Variants in DLG2 observed in about 807,000 individuals in gnomAD.
The protein encoded by DLG2 is disks large homolog 2.
In DLG2, 45 loss-of-function variants were observed where a neutral mutation model predicts 132.5. The ratio of observed to expected loss-of-function variants is 0.34; its 90% CI spans 0.27 to 0.44. The LOEUF is 0.44. Ranked by LOEUF, DLG2 falls within the 20% of genes least tolerant of loss-of-function variation. DLG2 has a pLI of 1.00. For synonymous variants in DLG2, 424 were observed against 419.6 expected, an observed-to-expected ratio of 1.01 and a Z score of -0.13; for missense variants, 1,045 against 1,196.9, an observed-to-expected ratio of 0.87 and a Z score of 1.87.
At chr11:85,215,827 A>T (rs1179747542) in intron 4 of DLG2, among the ~76,000 whole-genome samples, 1 of 152,136 alleles carries the variant, frequency 6.6e-6, no homozygotes, top group Non-Finnish European at 1.5e-5. Flanking sequence ...TTCTCTTGTA[A>T]TATGTCTTTT....
chr11:83,460,071 A>C, intron 27 of DLG2, 147 bp from the exon 28 acceptor site: 1 of 561,536 alleles, frequency 1.8e-6, no homozygotes, highest in South Asian at 2.5e-5. Flanking sequence ...GAAGAAGCAG[A>C]AAATTCATAT....
chr11:84,645,374 G>T (rs943679437), intron 6 of DLG2, among the ~76,000 whole-genome samples: 4 of 152,310 alleles, frequency 2.6e-5, no homozygotes, highest in East Asian at 1.9e-4. Context: ...AAAGCCTGAG[G>T]AGCAGATTGT....
chr11:84,906,299 G>A (rs2091503288), intron 6 of DLG2, among the ~76,000 whole-genome samples: 1 of 147,692 alleles, frequency 6.8e-6, no homozygotes, highest in Admixed American at 6.8e-5. Flanking sequence ...AATACAGCAG[G>A]TGAGGTATGG....
At chr11:84,134,225 GCTT>G (rs1251676313) in intron 9 of DLG2, among the ~76,000 whole-genome samples, 1 of 152,044 alleles carries the variant, frequency 6.6e-6, no homozygotes, top group African/African-American at 2.4e-5. Flanking sequence ...TCTAGGGAGA[GCTT>G]CTGATCCAAT....
intron 18 of DLG2, among the ~76,000 whole-genome samples, chr11:83,735,422 C>T (rs912886240): frequency 3.3e-5 from 5 of 152,220 alleles, no homozygotes; most frequent in Admixed American, 2.0e-4. Flanking sequence ...TTTAAAAAGC[C>T]ACTGAATCCT....
intron 6 of DLG2, among the ~76,000 whole-genome samples, chr11:85,011,700 AC>A (rs746690832): frequency 6.6e-6 from 1 of 152,156 alleles, no homozygotes; most frequent in Non-Finnish European, 1.5e-5. Flanking sequence ...TGGTTTTCAA[AC>A]AGATTTCACT....
intron 3 of DLG2, among the ~76,000 whole-genome samples, chr11:85,546,738 T>C (rs753631276): frequency 9.3e-5 from 14 of 150,362 alleles, no homozygotes; most frequent in Non-Finnish European, 1.3e-4. Context: ...CCTTTTTCCA[T>C]TATGTAATGG....
At chr11:85,468,675 GAC>G (rs1404256801) in intron 3 of DLG2, among the ~76,000 whole-genome samples, 1 of 152,190 alleles carries the variant, frequency 6.6e-6, no homozygotes, top group Non-Finnish European at 1.5e-5. Flanking sequence ...TGGTCTGAGA[GAC>G]AGTTTGTTAT....
At chr11:84,167,890 TC>T (rs1456139050) in intron 8 of DLG2, among the ~76,000 whole-genome samples, 2 of 152,142 alleles carry the variant, frequency 1.3e-5, no homozygotes, top group Non-Finnish European at 2.9e-5. Flanking sequence ...GGTCTCAAAC[TC>T]CTGACCTCAG....
At chr11:84,440,547 C>G (rs2099014219) in intron 7 of DLG2, among the ~76,000 whole-genome samples, 1 of 152,192 alleles carries the variant, frequency 6.6e-6, no homozygotes, top group South Asian at 2.1e-4. Context: ...GTTAATCCTA[C>G]TAGTCTCTAA....
chr11:84,726,400 T>C (rs61899047), intron 6 of DLG2, among the ~76,000 whole-genome samples: 4 of 151,946 alleles, frequency 2.6e-5, no homozygotes, highest in South Asian at 2.1e-4. Context: ...TTGCTGAGAA[T>C]TGTGGTTTCC....
rs528876660 is a variant in DLG2 at position 84,576,977 on chromosome 11, C to T, written c.358-42246G>A. ...ATTCCCGTGTGTTGTGGGAGGGACT[C>T]GGGGAGGTAATTGAATCATGGGGCC... On this transcript the variant is annotated intron_variant, in intron 6 of 27. Transcript: ENST00000376104. 2.0e-4 allele frequency among the ~76,000 whole-genome samples: 30 copies of T among 152,184 alleles called. 1 individual carries two copies. Among genetic ancestry groups the T allele is most frequent in the African/African-American group, 6.5e-4 (27 of 41,536 alleles).
intron 22 of DLG2, among the ~76,000 whole-genome samples, chr11:83,473,706 G>C (rs540636384): frequency 2.6e-5 from 4 of 152,070 alleles, no homozygotes; most frequent in African/African-American, 9.6e-5. Flanking sequence ...AGTGGAATAT[G>C]AGGTAACTTC....
chr11:85,305,274 A>T (rs2079862487), intron 3 of DLG2, among the ~76,000 whole-genome samples: 1 of 152,236 alleles, frequency 6.6e-6, no homozygotes, highest in Non-Finnish European at 1.5e-5. Context: ...TACTTTCCAC[A>T]TAAACGATAC....
intron 19 of DLG2, among the ~76,000 whole-genome samples, chr11:83,543,452 C>CAGTCT (rs1348544125): frequency 6.6e-6 from 1 of 152,164 alleles, no homozygotes; most frequent in Non-Finnish European, 1.5e-5. Flanking sequence ...ATAGTATGTG[C>CAGTCT]AGTCTAGTGT....
chr11:85,082,104 C>T (rs1232096532), intron 6 of DLG2, among the ~76,000 whole-genome samples: 1 of 152,024 alleles, frequency 6.6e-6, no homozygotes, highest in Non-Finnish European at 1.5e-5. Context: ...TGATAACTCC[C>T]AGATATACAT....
intron 7 of DLG2, among the ~76,000 whole-genome samples, chr11:84,293,698 A>G (rs1004049292): frequency 1.6e-4 from 24 of 152,170 alleles, no homozygotes; most frequent in East Asian, 5.8e-4. Flanking sequence ...AAATAAAAAT[A>G]AAGATATCAT....
At chr11:84,627,017 G>A (rs2099623931) in intron 6 of DLG2, among the ~76,000 whole-genome samples, 1 of 151,894 alleles carries the variant, frequency 6.6e-6, no homozygotes, top group South Asian at 2.1e-4. Context: ...GATTACAGAT[G>A]CCCGCCACCA....
At chr11:84,449,415 A>G (rs2099044853) in intron 7 of DLG2, among the ~76,000 whole-genome samples, 2 of 150,864 alleles carry the variant, frequency 1.3e-5, no homozygotes, top group African/African-American at 4.9e-5. Flanking sequence ...ATTAACTGCA[A>G]CCTCTCTCCA....
Sources: allele counts gnomAD v4.1 joint callset (sites outside exome capture counted in the v4.1 genomes callset), GRCh38; gene constraint gnomAD v4.1.1; transcripts MANE v1.5; gene names NCBI Gene and HGNC (gene_info 2026-07-23, HGNC 2026-07-21).